The following CFAP54 variants were observed in gnomAD, a reference collection of about 807,000 sequenced individuals.
The protein encoded by CFAP54 is cilia and flagella associated protein 54, also known as cilia- and flagella-associated protein 54.
Under a neutral mutation model 370.4 loss-of-function variants are expected in CFAP54, and 290 were observed. The ratio of observed to expected loss-of-function variants is 0.78; its 90% CI spans 0.71 to 0.86. The LOEUF is 0.86. Among genes scored for constraint, CFAP54 ranks in the 40% least tolerant of loss-of-function variants. The pLI, the probability that CFAP54 is intolerant of heterozygous loss-of-function variation, is 0.00. For missense variants in CFAP54, 3,399 were observed against 3,528.7 expected (o/e 0.96, Z 0.93); for synonymous variants, 1,206 against 1,236.5 (o/e 0.98, Z 0.52).
intron 1 of CFAP54, among the ~76,000 whole-genome samples, chr12:96,497,194 C>T (rs540739556): frequency 1.6e-4 from 24 of 152,132 alleles, no homozygotes; most frequent in East Asian, 3.9e-4. Context: ...TTCATGTAGT[C>T]GTTAAGAGCA....
chr12:96,708,591 T>C lies in CFAP54; in HGVS notation c.6529-17T>C. The stretch of plus-strand genomic sequence containing the variant: ...TATTTTTCTAATTTGCTCTTTTTCC[T>C]TTTTTCCATTTTTTAGGCAATTGAT... On this transcript the variant is annotated splice_polypyrimidine_tract_variant and intron_variant, in intron 47 of 67. Coordinates refer to ENST00000524981, the MANE Select transcript of CFAP54 (RefSeq NM_001306084.2). The C allele has an allele frequency of 6.3e-7, 1 of 1,575,238 alleles. No individual in the cohort carries two copies. Among genetic ancestry groups the C allele is most frequent in the Non-Finnish European group, 8.6e-7 (1 of 1,167,248 alleles).
intron 20 of CFAP54, 146 bp downstream of exon 20, chr12:96,576,907 C>T: frequency 1.4e-6 from 1 of 696,658 alleles, no homozygotes; most frequent in Non-Finnish European, 2.3e-6. Flanking sequence ...AATGTCTTAT[C>T]TATACTTAGT....
chr12:96,667,377 T>A (rs1957093301), intron 39 of CFAP54, among the ~76,000 whole-genome samples: 1 of 152,222 alleles, frequency 6.6e-6, no homozygotes, highest in Non-Finnish European at 1.5e-5. Flanking sequence ...GACCCACCCC[T>A]GCAGGAAACT....
At chr12:96,683,397 G>A (rs1190355402) in intron 40 of CFAP54, among the ~76,000 whole-genome samples, 2 of 152,146 alleles carry the variant, frequency 1.3e-5, no homozygotes, top group Non-Finnish European at 2.9e-5. Context: ...AATTAATCTT[G>A]GTAAAGTCCT....
chr12:96,492,655 A>G (rs77763964), intron 1 of CFAP54, among the ~76,000 whole-genome samples: 20,984 of 152,274 alleles, frequency 0.14, 1,564 homozygotes, highest in Middle Eastern at 0.18. Context: ...GGGTTGGGAC[A>G]TAATAAACAT....
At chr12:96,861,038 A>G in intron 67 of CFAP54, 86 bp downstream of exon 67, 1 of 1,067,334 alleles carries the variant, frequency 9.4e-7, no homozygotes, top group Non-Finnish European at 1.2e-6. Context: ...AACAAACATA[A>G]AATTGTTTTT....
intron 45 of CFAP54, among the ~76,000 whole-genome samples, chr12:96,697,158 T>G (rs748635705): frequency 1.6e-4 from 24 of 152,348 alleles, no homozygotes; most frequent in Non-Finnish European, 3.2e-4. Flanking sequence ...CTGTCTGGCT[T>G]GTTTGTGTTT....
intron 45 of CFAP54, among the ~76,000 whole-genome samples, chr12:96,696,162 T>A (rs1957438127): frequency 6.6e-6 from 1 of 152,080 alleles, no homozygotes; most frequent in African/African-American, 2.4e-5. Context: ...TATTGACTTG[T>A]TTAGGGGGTG....
intron 32 of CFAP54, among the ~76,000 whole-genome samples, chr12:96,642,356 T>C (rs2136489982): frequency 6.6e-6 from 1 of 152,316 alleles, no homozygotes; most frequent in South Asian, 2.1e-4. Flanking sequence ...TGAGGGCTAC[T>C]GATGTGGCTT....
At chr12:96,559,496 T>C (rs1485642219) in intron 17 of CFAP54, among the ~76,000 whole-genome samples, 1 of 152,174 alleles carries the variant, frequency 6.6e-6, no homozygotes, top group Non-Finnish European at 1.5e-5. Flanking sequence ...AAGAATAGTG[T>C]AGTGACTATC....
chr12:96,718,590 G>A, intron 49 of CFAP54, 68 bp downstream of exon 49: 3 of 919,616 alleles, frequency 3.3e-6, no homozygotes, highest in Non-Finnish European at 5.2e-6. Flanking sequence ...CCCTGGATGG[G>A]CCTGCTTTCA....
At chr12:96,691,934 A>G (rs1957392694) in intron 44 of CFAP54, among the ~76,000 whole-genome samples, 1 of 151,744 alleles carries the variant, frequency 6.6e-6, no homozygotes, top group Non-Finnish European at 1.5e-5. Flanking sequence ...ATTTTCCTCC[A>G]TTATTTCATC....
chr12:96,625,343 G>A (rs1956539240), intron 28 of CFAP54, among the ~76,000 whole-genome samples: 1 of 152,184 alleles, frequency 6.6e-6, no homozygotes, highest in Non-Finnish European at 1.5e-5. Flanking sequence ...AGCAGTGACT[G>A]TGTTATACTT....
At chr12:96,725,553 T>C (rs1299154865) in intron 50 of CFAP54, among the ~76,000 whole-genome samples, 8 of 152,290 alleles carry the variant, frequency 5.3e-5, no homozygotes, top group South Asian at 4.1e-4. Flanking sequence ...CTGAAGTTGC[T>C]TATCAGCTTA....
intron 65 of CFAP54, among the ~76,000 whole-genome samples, chr12:96,818,180 A>G (rs1427608924): frequency 4.6e-5 from 7 of 152,236 alleles, no homozygotes; most frequent in Admixed American, 4.6e-4. Context: ...GAATCCTAAG[A>G]AATAATGCTT....
intron 26 of CFAP54, among the ~76,000 whole-genome samples, chr12:96,613,731 C>A (rs897320095): frequency 6.6e-5 from 10 of 152,162 alleles, no homozygotes; most frequent in African/African-American, 2.2e-4. Context: ...GCAGAGAATA[C>A]TATAAACACC....
At chr12:96,601,870 G>A (rs1382886878) in intron 26 of CFAP54, among the ~76,000 whole-genome samples, 1 of 152,040 alleles carries the variant, frequency 6.6e-6, no homozygotes, top group Non-Finnish European at 1.5e-5. Flanking sequence ...AGTCTTGCTA[G>A]CAGTCTATCA....
At chr12:96,800,631 A>T (rs1345806089) in intron 63 of CFAP54, among the ~76,000 whole-genome samples, 1 of 152,182 alleles carries the variant, frequency 6.6e-6, no homozygotes, top group Non-Finnish European at 1.5e-5. Context: ...TGATTTAAAT[A>T]TGGGTGTATT....
At chr12:96,512,301 TTATATATATATATATA>T (rs1165045194) in intron 4 of CFAP54, among the ~76,000 whole-genome samples, 67 of 31,132 alleles carry the variant, frequency 2.2e-3, no homozygotes, top group African/African-American at 5.3e-3. Context: ...GGAACCAATT[TTATATATATATATATA>T]TATATATATA....
Sources: gnomAD v4.1 joint callset for allele counts (sites outside exome capture counted in the v4.1 genomes callset) on GRCh38, gnomAD v4.1.1 for gene constraint, MANE v1.5 for transcripts, NCBI Gene and HGNC (gene_info 2026-07-23, HGNC 2026-07-21) for gene names.